The following PDE1A variants were observed in gnomAD, a reference collection of about 807,000 sequenced individuals.
PDE1A encodes the protein phosphodiesterase 1A.
In PDE1A, 35 loss-of-function variants were observed where a neutral mutation model predicts 61.7. That is an observed-to-expected ratio of 0.57 (90% CI 0.43 to 0.75). The LOEUF (loss-of-function observed/expected upper bound fraction) is 0.75, where lower values mean the gene tolerates loss of function less well. Among genes scored for constraint, PDE1A ranks in the 30% least tolerant of loss-of-function variants. The pLI is 0.00. For synonymous variants in PDE1A, 232 were observed against 213.2 expected (o/e 1.09, Z -0.77); for missense variants, 597 against 630.6 (o/e 0.95, Z 0.57).
the PDE1A span, among the ~76,000 whole-genome samples, chr2:182,646,461 G>A: frequency 4.6e-5 from 7 of 151,228 alleles, no homozygotes; most frequent in South Asian, 2.1e-4. Context: ...AGGCCACGGC[G>A]GGCAGATCAC....
At chr2:182,337,793 T>C (rs550587959) in intron 1 of PDE1A, among the ~76,000 whole-genome samples, 1 of 152,236 alleles carries the variant, frequency 6.6e-6, no homozygotes, top group East Asian at 1.9e-4. Context: ...AAATGATCCT[T>C]TTCAGTGCAC....
chr2:182,396,204 C>T (rs116638194), intron 1 of PDE1A, among the ~76,000 whole-genome samples: 3 of 152,182 alleles, frequency 2.0e-5, no homozygotes, highest in South Asian at 2.1e-4. Flanking sequence ...TTCTGCATGA[C>T]GTGCAGGCAC....
At chr2:182,633,026 C>A in the PDE1A span, among the ~76,000 whole-genome samples, 1 of 152,204 alleles carries the variant, frequency 6.6e-6, no homozygotes, top group African/African-American at 2.4e-5. Flanking sequence ...GACTTCCCTT[C>A]AAATTATGCT....
chr2:182,605,206 T>C, the PDE1A span, among the ~76,000 whole-genome samples: 2 of 152,184 alleles, frequency 1.3e-5, no homozygotes, highest in Non-Finnish European at 2.9e-5. Context: ...GCCCCGCCAA[T>C]GCAGAAGGTG....
intron 2 of PDE1A, among the ~76,000 whole-genome samples, chr2:182,473,062 T>C (rs1300414000): frequency 6.6e-6 from 1 of 151,746 alleles, no homozygotes; most frequent in Non-Finnish European, 1.5e-5. Context: ...GCTGCACCCA[T>C]TTAGCATTAT....
the PDE1A span, among the ~76,000 whole-genome samples, chr2:182,573,951 A>ATG: frequency 8.1e-6 from 1 of 124,042 alleles, no homozygotes; most frequent in African/African-American, 3.5e-5. Flanking sequence ...TATATATTAT[A>ATG]TATATTTATA....
intron 1 of PDE1A, among the ~76,000 whole-genome samples, chr2:182,286,293 G>A (rs750382839): frequency 7.2e-5 from 11 of 151,944 alleles, no homozygotes; most frequent in Non-Finnish European, 1.2e-4. Flanking sequence ...CAACTTAGGG[G>A]TCCTCCCTAC....
the PDE1A span, among the ~76,000 whole-genome samples, chr2:182,650,938 GA>G: frequency 9.9e-5 from 15 of 152,266 alleles, no homozygotes; most frequent in Admixed American, 8.5e-4. Flanking sequence ...AAGGCTTCTT[GA>G]AAAACAATAG....
chr2:182,336,831 C>T (rs756359377), intron 1 of PDE1A, among the ~76,000 whole-genome samples: 19 of 151,324 alleles, frequency 1.3e-4, no homozygotes, highest in Non-Finnish European at 2.2e-4. Context: ...AGGGGAACAA[C>T]ACACAACAGG....
chr2:182,658,047 T>TAAAAAAAAAAAAAAAAAAAAAAAA, the PDE1A span, among the ~76,000 whole-genome samples: 1 of 66,662 alleles, frequency 1.5e-5, no homozygotes, highest in African/African-American at 6.9e-5. Context: ...AGCTTCTCAG[T>TAAAAAAAAAAAAAAAAAAAAAAAA]AAAAAAAAAA....
chr2:182,385,951 A>G (rs1701044336), intron 1 of PDE1A, among the ~76,000 whole-genome samples: 1 of 151,480 alleles, frequency 6.6e-6, no homozygotes, highest in South Asian at 2.1e-4. Flanking sequence ...GCTCACTGCA[A>G]CCTCCCTGCC....
At chr2:182,385,549 G>A (rs1391881611) in intron 1 of PDE1A, among the ~76,000 whole-genome samples, 1 of 137,406 alleles carries the variant, frequency 7.3e-6, no homozygotes, top group East Asian at 2.1e-4. Flanking sequence ...AATCTATAGT[G>A]GATACACAAA....
At chr2:182,449,905 T>C (rs1327082384) in intron 2 of PDE1A, among the ~76,000 whole-genome samples, 2 of 152,066 alleles carry the variant, frequency 1.3e-5, no homozygotes, top group Non-Finnish European at 2.9e-5. Flanking sequence ...ATAGTATATG[T>C]AGCATTTAAA....
exon 1 of PDE1A, chr2:182,522,699 C>A: frequency 9.3e-7 from 1 of 1,075,754 alleles, no homozygotes; most frequent in Non-Finnish European, 1.1e-6. Context: ...AAAAGCAGCT[C>A]ATCTGTTACT....
At chr2:182,402,586 C>T (rs1438036363) in intron 1 of PDE1A, among the ~76,000 whole-genome samples, 1 of 152,144 alleles carries the variant, frequency 6.6e-6, no homozygotes, top group Non-Finnish European at 1.5e-5. Flanking sequence ...GGAAGAAAAC[C>T]TAGGCAATAC....
At chr2:182,681,322 T>TAG in the PDE1A span, among the ~76,000 whole-genome samples, 68,229 of 151,052 alleles carry the variant, frequency 0.45, 17,412 homozygotes, top group Non-Finnish European at 0.56. Context: ...TTATTTATTT[T>TAG]AGAGAGAGAG....
At chr2:182,362,302 A>G (rs1010938263) in intron 1 of PDE1A, among the ~76,000 whole-genome samples, 2 of 152,034 alleles carry the variant, frequency 1.3e-5, no homozygotes, top group Non-Finnish European at 2.9e-5. Flanking sequence ...TCTTATTAAA[A>G]ATTACTGGAA....
intron 2 of PDE1A, among the ~76,000 whole-genome samples, chr2:182,462,995 C>G (rs901705907): frequency 3.9e-5 from 6 of 152,072 alleles, no homozygotes; most frequent in African/African-American, 1.4e-4. Flanking sequence ...AATCCCAGCA[C>G]TTTGGGAGGC....
the PDE1A span, among the ~76,000 whole-genome samples, chr2:182,561,969 T>G: frequency 1.8e-3 from 280 of 151,856 alleles, no homozygotes; most frequent in Middle Eastern, 3.4e-3. Flanking sequence ...GAGACAATGG[T>G]GTTTTCTAGA....
Sources: gnomAD v4.1 joint callset for allele counts (sites outside exome capture counted in the v4.1 genomes callset) on GRCh38, gnomAD v4.1.1 for gene constraint, MANE v1.5 for transcripts, NCBI Gene and HGNC (gene_info 2026-07-23, HGNC 2026-07-21) for gene names.